Variants in EYA2 observed in about 807,000 individuals in gnomAD.
EYA2 encodes protein phosphatase EYA2.
EYA2 carries 31 observed loss-of-function variants against 69.2 expected under a neutral mutation model. The observed-to-expected ratio is 0.45, with a 90% CI of 0.34 to 0.60. The LOEUF is 0.60. Among genes scored for constraint, EYA2 ranks in the 20% least tolerant of loss-of-function variants. The probability of loss-of-function intolerance (pLI) is 0.02; values close to 1 mark genes in which losing one functional copy is unlikely to be tolerated. For missense variants in EYA2, 622 were observed against 701.2 expected (o/e 0.89, Z 1.28); for synonymous variants, 257 against 279.4 (o/e 0.92, Z 0.80).
chr20:47,183,164 G>A, intron 14 of EYA2, 127 bp from the exon 15 acceptor site: 1 of 814,360 alleles, frequency 1.2e-6, no homozygotes, highest in Non-Finnish European at 2.0e-6. Flanking sequence ...GTTTGCTCAA[G>A]AACGAAATGA....
chr20:46,967,975 G>A (rs536646586), intron 1 of EYA2, among the ~76,000 whole-genome samples: 1 of 152,334 alleles, frequency 6.6e-6, no homozygotes, highest in East Asian at 1.9e-4. Context: ...ATGAAGGGTG[G>A]TTAGACCAAG....
At chr20:46,921,804 A>C (rs1985192396) in intron 1 of EYA2, among the ~76,000 whole-genome samples, 2 of 152,262 alleles carry the variant, frequency 1.3e-5, no homozygotes, top group Admixed American at 1.3e-4. Flanking sequence ...TCCTGAAGCT[A>C]GATACCATGT....
At position 47,073,452 on chromosome 20, in the gene EYA2, G is replaced by A. The variant is rs559845799; in HGVS notation, c.484-706G>A. On this transcript the variant is annotated intron_variant, in intron 6 of 15. Coordinates refer to ENST00000327619, the MANE Select transcript of EYA2 (RefSeq NM_005244.5). ...ACCTAGTCTCCTGGGTTTGTGTGTC[G>A]TGTGGGTGTGTGTGCGGTCTTCTAG... is the stretch of plus-strand genomic sequence containing the variant. Among the ~76,000 whole-genome samples the A allele has an allele frequency of 2.0e-5, 3 of 151,914 alleles. No homozygotes were observed. The South Asian group carries it at 6.3e-4, about 32-fold the overall frequency.
intron 5 of EYA2, among the ~76,000 whole-genome samples, chr20:47,033,801 T>G (rs968609241): frequency 1.5e-4 from 23 of 152,248 alleles, no homozygotes; most frequent in African/African-American, 5.3e-4. Flanking sequence ...TCCCTGATGA[T>G]TCTCAATGGA....
At chr20:47,121,632 A>G (rs777798220) in intron 9 of EYA2, among the ~76,000 whole-genome samples, 3 of 152,210 alleles carry the variant, frequency 2.0e-5, no homozygotes, top group Non-Finnish European at 2.9e-5. Context: ...ACCCTGGACA[A>G]CATAGATCCT....
intron 1 of EYA2, among the ~76,000 whole-genome samples, chr20:46,948,595 A>G (rs1451029025): frequency 6.6e-6 from 1 of 152,244 alleles, no homozygotes. Context: ...CATTGTTGAA[A>G]GAAGCCACTG....
At chr20:47,016,092 G>T in intron 4 of EYA2, 89 bp from the exon 5 acceptor site, 3 of 972,664 alleles carry the variant, frequency 3.1e-6, no homozygotes, top group Non-Finnish European at 5.0e-6. Flanking sequence ...ATTGCATGCT[G>T]TCTTGACCCA....
At chr20:46,917,637 A>G (rs1984972252) in intron 1 of EYA2, among the ~76,000 whole-genome samples, 1 of 152,186 alleles carries the variant, frequency 6.6e-6, no homozygotes, top group Non-Finnish European at 1.5e-5. Flanking sequence ...AGTCACGTGA[A>G]TTTTTTGGTT....
intron 1 of EYA2, among the ~76,000 whole-genome samples, chr20:46,953,830 C>A (rs552201148): frequency 6.6e-6 from 1 of 152,240 alleles, no homozygotes; most frequent in African/African-American, 2.4e-5. Context: ...AGGCATAGAT[C>A]GCGTGAATAA....
At chr20:46,952,310 G>C (rs1978851607) in intron 1 of EYA2, among the ~76,000 whole-genome samples, 1 of 152,142 alleles carries the variant, frequency 6.6e-6, no homozygotes, top group South Asian at 2.1e-4. Flanking sequence ...AGAGATGGAG[G>C]GTGGCGGGAT....
chr20:47,178,961 A>T (rs1296902435), intron 12 of EYA2, among the ~76,000 whole-genome samples: 1 of 151,488 alleles, frequency 6.6e-6, no homozygotes, highest in Admixed American at 6.6e-5. Context: ...TTACCTAAAA[A>T]TATAGAAATA....
rs6018237 is a variant in EYA2, at chr20:47,038,328, C to T, written c.415+22031C>T. On this transcript the variant is annotated intron_variant, in intron 5 of 15. Transcript: ENST00000327619. Reference sequence around the variant, plus strand: ...CAGCCTGGGCAACATGGCAAGACCCCGTCTCTACAAAAATTAGCCAGGCAT... The same window carrying T: ...CAGCCTGGGCAACATGGCAAGACCCTGTCTCTACAAAAATTAGCCAGGCAT... Among the ~76,000 whole-genome samples, 278 of 151,992 alleles carry T rather than the reference C, an allele frequency of 1.8e-3. 1 individual carries two copies. The highest frequency in any genetic ancestry group is 6.5e-3 in the African/African-American group (270 of 41,448).
chr20:46,917,780 G>A (rs1243759134), intron 1 of EYA2, among the ~76,000 whole-genome samples: 5 of 152,152 alleles, frequency 3.3e-5, no homozygotes, highest in Admixed American at 1.3e-4. Flanking sequence ...GCTAATGATC[G>A]TCTGAGCCTT....
intron 2 of EYA2, among the ~76,000 whole-genome samples, chr20:46,996,442 A>T (rs1318755622): frequency 6.6e-6 from 1 of 152,228 alleles, no homozygotes; most frequent in Non-Finnish European, 1.5e-5. Context: ...CTGCAGCGTC[A>T]GCATCACCTG....
At chr20:47,107,525 CA>C (rs111607473) in intron 9 of EYA2, among the ~76,000 whole-genome samples, 21,308 of 125,026 alleles carry the variant, frequency 0.17, 1,925 homozygotes, top group South Asian at 0.22. Flanking sequence ...GACTCTGTAT[CA>C]AAAAAAAAAA....
intron 1 of EYA2, among the ~76,000 whole-genome samples, chr20:46,975,743 C>T (rs149969060): frequency 1.3e-5 from 2 of 152,076 alleles, no homozygotes; most frequent in East Asian, 1.9e-4. Flanking sequence ...GGCAAAACCC[C>T]ATCTCTACTG....
chr20:46,908,462 GT>G (rs1984471175), intron 1 of EYA2, among the ~76,000 whole-genome samples: 1 of 152,220 alleles, frequency 6.6e-6, no homozygotes, highest in South Asian at 2.1e-4. Context: ...GCCAGTTCTG[GT>G]AGGGCCTTGC....
chr20:47,049,906 C>T lies in EYA2; in HGVS notation c.416-22279C>T, dbSNP rs146541715. ...GTCTGTCTTTCTCTCATGATTTTGA[C>T]ACTTTTGATGAATACTAGCTGGACA... On this transcript the variant is annotated intron_variant, in intron 5 of 15. Coordinates refer to ENST00000327619, the MANE Select transcript of EYA2 (RefSeq NM_005244.5). Among the ~76,000 whole-genome samples, 302 of 144,496 alleles carry T rather than the reference C, an allele frequency of 2.1e-3. 1 individual carries two copies. Among genetic ancestry groups the T allele is most frequent in the Non-Finnish European group, 2.7e-3 (181 of 66,104 alleles). The allele number at this position is 144,496 out of a possible 152,430, so 94.8% of individuals were successfully genotyped here.
intron 1 of EYA2, among the ~76,000 whole-genome samples, chr20:46,978,006 A>G (rs1980565205): frequency 6.6e-6 from 1 of 152,196 alleles, no homozygotes; most frequent in South Asian, 2.1e-4. Context: ...ATATACCTGT[A>G]TCAAAACAAA....
Sources: allele counts gnomAD v4.1 joint callset (sites outside exome capture counted in the v4.1 genomes callset), GRCh38; gene constraint gnomAD v4.1.1; transcripts MANE v1.5; gene names NCBI Gene and HGNC (gene_info 2026-07-23, HGNC 2026-07-21).